DGCR8: variants seen among roughly 807,000 people sequenced by gnomAD.
DGCR8 encodes DGCR8 microprocessor complex subunit, also known as microprocessor complex subunit DGCR8.
In DGCR8, 14 loss-of-function variants were observed where a neutral mutation model predicts 78.5. The ratio of observed to expected loss-of-function variants is 0.18; its 90% CI spans 0.12 to 0.28. The LOEUF is 0.28. Among genes scored for constraint, DGCR8 ranks in the 10% least tolerant of loss-of-function variants. The pLI, the probability that DGCR8 is intolerant of heterozygous loss-of-function variation, is 1.00. For missense variants in DGCR8, 702 were observed against 1,022.5 expected (o/e 0.69, Z 4.28); for synonymous variants, 399 against 402.4 (o/e 0.99, Z 0.10).
intron 9 of DGCR8, among the ~76,000 whole-genome samples, chr22:20,098,435 C>G (rs893978080): frequency 1.1e-4 from 17 of 152,136 alleles, no homozygotes; most frequent in African/African-American, 3.9e-4. Flanking sequence ...TCTCTACTTT[C>G]CTATTTCTTT....
At chr22:20,106,505 C>A in intron 10 of DGCR8, 87 bp from the exon 11 acceptor site, 1 of 1,033,708 alleles carries the variant, frequency 9.7e-7, no homozygotes, top group Admixed American at 1.8e-5. Context: ...TTGGTCATTT[C>A]CTAAGGGCTT....
At chr22:20,109,997 G>A (rs2049816807) in intron 13 of DGCR8, 28 bp from the exon 14 acceptor site, 1 of 1,611,438 alleles carries the variant, frequency 6.2e-7, no homozygotes, top group Non-Finnish European at 8.5e-7. Context: ...CACCTCACTG[G>A]TACCCCTGAC....
chr22:20,095,506 AAACCTT>A (rs2049618317), intron 9 of DGCR8, among the ~76,000 whole-genome samples: 1 of 152,182 alleles, frequency 6.6e-6, no homozygotes, highest in Admixed American at 6.5e-5. Flanking sequence ...CAGTCCTCCC[AAACCTT>A]AACTACTTAC....
intron 8 of DGCR8, among the ~76,000 whole-genome samples, chr22:20,093,945 C>T (rs111945039): frequency 1.3e-5 from 2 of 152,340 alleles, no homozygotes; most frequent in Non-Finnish European, 2.9e-5. Context: ...AGAAGGCCTG[C>T]TGCCCATCTT....
intron 1 of DGCR8, among the ~76,000 whole-genome samples, chr22:20,082,051 C>CT (rs113585822): frequency 0.16 from 23,134 of 140,462 alleles, 1,930 homozygotes; most frequent in Middle Eastern, 0.2. Flanking sequence ...TTCTTTCTTT[C>CT]TTTTTTTTTT....
intron 8 of DGCR8, among the ~76,000 whole-genome samples, chr22:20,093,860 T>G (rs926371945): frequency 6.6e-6 from 1 of 152,108 alleles, no homozygotes; most frequent in Non-Finnish European, 1.5e-5. Flanking sequence ...TCTTGTAGGG[T>G]GGTGTTGGGT....
At chr22:20,109,858 G>T (rs1296380415) in intron 13 of DGCR8, among the ~76,000 whole-genome samples, 167 bp from the exon 14 acceptor site, 2 of 152,230 alleles carry the variant, frequency 1.3e-5, no homozygotes, top group African/African-American at 4.8e-5. Flanking sequence ...AGGCTGGCCT[G>T]CCCCAGGCCT....
rs375425509 is a variant in DGCR8 at position 20,111,364 on chromosome 22, C to CTTT, written c.*1268_*1270dup. 1,065 of 383,228 alleles carry CTTT rather than the reference C, an allele frequency of 2.8e-3. No individual in the cohort carries two copies. The highest frequency in any genetic ancestry group is 0.018 in the East Asian group (479 of 26,854). The allele number at this position is 383,228 out of a possible 1,614,324, so 23.7% of individuals were successfully genotyped here. On this transcript the variant is annotated 3_prime_UTR_variant, in exon 14 of 14. Coordinates refer to ENST00000351989, the MANE Select transcript of DGCR8 (RefSeq NM_022720.7). ...CCCCCTACAGGCGGTACTGATGGCG[C>CTTT]TTTTTTTTTTTTTTCTGTCAGGAAA... is the stretch of plus-strand genomic sequence containing the variant.
rs775526389 is a variant in DGCR8, at chr22:20,091,865, A to G, written c.1505-4A>G. 1.2e-6 allele frequency: 2 copies of G among 1,613,800 alleles called. No individual in the cohort carries two copies. The highest frequency in any genetic ancestry group is 8.5e-7 in the Non-Finnish European group (1 of 1,179,788). ...ACTTGCTGAGATGGTTCTTTTTGTC[A>G]CAGAGTTTGTTATTAACCCCAACGG... On this transcript the variant is annotated splice_region_variant and splice_polypyrimidine_tract_variant and intron_variant, in intron 6 of 13. Transcript: ENST00000351989.
Position 20,110,061 on chromosome 22 carries a change from G to A in DGCR8, c.2275G>A (p.Ala759Thr), listed in dbSNP as rs2049818306. 1.9e-6 allele frequency: 3 copies of A among 1,613,368 alleles called. No individual in the cohort carries two copies. The highest frequency in any genetic ancestry group is 2.5e-6 in the Non-Finnish European group (3 of 1,180,022). The change falls in exon 14 of 14, where the codon GCG (alanine) becomes ACG (threonine). Residue 759 changes from alanine to threonine, a missense_variant. Around this residue, in one of 4 missense-constraint regions of DGCR8, gnomAD observed 225 missense variants for 427.7 expected, o/e 0.53. Transcript: ENST00000351989. ...AAAGAAGCCCAAGATGTCCATTGTGGCGTCCGCCCAGCCTGGCGGTGAGCC... is the reference window on the plus strand; with the variant it reads ...AAAGAAGCCCAAGATGTCCATTGTGACGTCCGCCCAGCCTGGCGGTGAGCC... ...TRKKPKMSIVASAQPGGEPLC... is the reference protein window; with the variant it reads ...TRKKPKMSIVTSAQPGGEPLC...
Position 20,087,287 on chromosome 22 carries a change from G to C in DGCR8, c.846G>C (p.Gln282His), listed in dbSNP as rs1209806010. 6.2e-7 allele frequency: 1 copy of C among 1,613,364 alleles called. No individual in the cohort carries two copies. The highest frequency in any genetic ancestry group is 1.7e-5 in the Admixed American group (1 of 59,968). ...CGTCCGATGGAGAGACAAGTGTGCA[G>C]CCGATGATGACCAAGATTAAAACAG... ...DHPSDGETSV[Q>H]PMMTKIKTVL... Residue 282 changes from glutamine (Q) to histidine (H), a missense_variant, in exon 3 of 14, where the codon CAG becomes CAC. Transcript: ENST00000351989. The surrounding 1 kb of genome is among the most constrained non-coding windows in gnomAD (Gnocchi z 4.1).
At position 20,106,221 on chromosome 22, in the gene DGCR8, G is replaced by A; in HGVS notation, c.1833G>A (p.Leu611=). 6.2e-7 allele frequency: 1 copy of A among 1,613,996 alleles called. No homozygotes were observed. The highest frequency in any genetic ancestry group is 1.7e-5 in the Admixed American group (1 of 60,032). ...ISIEDSRVYE[L]TSKAGLLSPY... ...TCGAGGACTCGCGGGTCTACGAGCT[G>A]ACCAGCAAGGCTGGGCTGTTGTCTC... The change falls in exon 10 of 14, where the codon CTG becomes CTA. Residue 611 remains leucine, a synonymous_variant. Transcript: ENST00000351989.
intron 13 of DGCR8, among the ~76,000 whole-genome samples, chr22:20,109,806 A>G (rs989000773): frequency 2.6e-5 from 4 of 152,190 alleles, no homozygotes; most frequent in Non-Finnish European, 5.9e-5. Flanking sequence ...GAGGCTGCAC[A>G]TGTTGTACTC....
chr22:20,085,637 A>C lies in DGCR8; in HGVS notation c.-277-50A>C. 1 of 1,270,716 alleles carries C rather than the reference A, an allele frequency of 7.9e-7. No homozygotes were observed. 78.7% of individuals were successfully genotyped at this position (1,270,716 alleles called of 1,614,324 possible). On this transcript the variant is annotated intron_variant, in intron 1 of 13. Coordinates refer to ENST00000351989, the MANE Select transcript of DGCR8 (RefSeq NM_022720.7). This position sits in a 1 kb window ranked among gnomAD's most constrained non-coding sequence, Gnocchi z 6.2. The stretch of plus-strand genomic sequence containing the variant: ...TTGGCTTTTAACTTGGTACCAGGGA[A>C]TTGGAAGGTTTCTGTCATTTTGTGA...
At position 20,107,431 on chromosome 22, in the gene DGCR8, T is replaced by A. The variant is rs779228646; in HGVS notation, c.2124+33T>A. ...GCCATCAGCAGGTCCCAGGGCAGCC[T>A]GTGCTGCCACCCTGGAGCGTATTCC... On this transcript the variant is annotated intron_variant, in intron 12 of 13. Coordinates refer to ENST00000351989, the MANE Select transcript of DGCR8 (RefSeq NM_022720.7). The A allele has an allele frequency of 6.8e-6, 11 of 1,612,610 alleles. No individual in the cohort carries two copies. The East Asian group carries it at 2.5e-4, about 36-fold the overall frequency.
chr22:20,101,468 C>T (rs1042536065), intron 9 of DGCR8: 17 of 738,350 alleles, frequency 2.3e-5, no homozygotes, highest in Non-Finnish European at 2.6e-5. Flanking sequence ...GTCCCAGCTA[C>T]TCGGGAGGCT....
chr22:20,101,195 G>A (rs1371699479), intron 9 of DGCR8: 12 of 984,992 alleles, frequency 1.2e-5, no homozygotes, highest in Middle Eastern at 5.2e-4. Flanking sequence ...AGAGAAGACC[G>A]TGTGTTTTTA....
At position 20,099,001 on chromosome 22, in the gene DGCR8, C is replaced by T. The variant is rs570828872; in HGVS notation, c.1788+4206C>T. ...TTATGATTTGTGGCCACTGAATACA[C>T]GGGCCCTTTAGCTGAGTGGTCTCCT... On this transcript the variant is annotated intron_variant, in intron 9 of 13. Transcript: ENST00000351989. 3.9e-5 allele frequency among the ~76,000 whole-genome samples: 6 copies of T among 152,296 alleles called. No homozygotes were observed. The South Asian group carries it at 1.0e-3, about 26-fold the overall frequency.
At chr22:20,082,368 A>G (rs1015444220) in intron 1 of DGCR8, among the ~76,000 whole-genome samples, 1 of 147,634 alleles carries the variant, frequency 6.8e-6, no homozygotes, top group Non-Finnish European at 1.5e-5. Context: ...CCACAGAGTG[A>G]TTCTTTTTAT....
Sources: gnomAD v4.1 joint callset for allele counts (sites outside exome capture counted in the v4.1 genomes callset) on GRCh38, gnomAD v4.1.1 for gene constraint, gnomAD v4.1.1 regional missense constraint, Gnocchi (gnomAD v3.1) non-coding constraint, MANE v1.5 for transcripts, NCBI Gene and HGNC (gene_info 2026-07-23, HGNC 2026-07-21) for gene names.